The following COMMD10 variants were observed in gnomAD, a reference collection of about 807,000 sequenced individuals.
The protein encoded by COMMD10 is COMM domain-containing protein 10.
In COMMD10, 33 loss-of-function variants were observed where a neutral mutation model predicts 28.9. The ratio of observed to expected loss-of-function variants is 1.14; its 90% CI spans 0.87 to 1.53. The LOEUF (loss-of-function observed/expected upper bound fraction) is 1.53. Ranked by LOEUF, COMMD10 falls within the 40% of genes most tolerant of loss-of-function variation. The probability of loss-of-function intolerance (pLI) is 0.00; values close to 1 mark genes in which losing one functional copy is unlikely to be tolerated. For missense variants in COMMD10, 310 were observed against 233.4 expected (o/e 1.33, Z -2.14); for synonymous variants, 110 against 81.7 (o/e 1.35, Z -1.87).
intron 5 of COMMD10, among the ~76,000 whole-genome samples, chr5:116,185,475 A>G (rs957092610): frequency 6.6e-6 from 1 of 151,016 alleles, no homozygotes. Flanking sequence ...CAAGCAGTCT[A>G]TTTCTTGGCT....
At chr5:116,209,646 A>G (rs1246332374) in intron 5 of COMMD10, among the ~76,000 whole-genome samples, 2 of 152,194 alleles carry the variant, frequency 1.3e-5, no homozygotes, top group African/African-American at 2.4e-5. Flanking sequence ...AAGCCAACGT[A>G]TAAAATTCAA....
intron 5 of COMMD10, among the ~76,000 whole-genome samples, chr5:116,238,092 C>T (rs755655043): frequency 6.6e-6 from 1 of 152,092 alleles, no homozygotes; most frequent in Admixed American, 6.6e-5. Context: ...TAGTAATGCC[C>T]TAGAGTTCCA....
intron 5 of COMMD10, among the ~76,000 whole-genome samples, chr5:116,233,019 C>T (rs577233599): frequency 7.2e-5 from 11 of 152,218 alleles, no homozygotes; most frequent in South Asian, 2.1e-4. Flanking sequence ...ATGTGGAGCA[C>T]GGTAGCATTT....
At chr5:116,203,142 G>A (rs1455288943) in intron 5 of COMMD10, among the ~76,000 whole-genome samples, 1 of 152,020 alleles carries the variant, frequency 6.6e-6, no homozygotes, top group Non-Finnish European at 1.5e-5. Context: ...ATTAAATAGG[G>A]AATCCTTTCC....
chr5:116,144,613 G>C (rs1580485618), intron 5 of COMMD10, among the ~76,000 whole-genome samples: 2 of 151,992 alleles, frequency 1.3e-5, no homozygotes, highest in African/African-American at 2.4e-5. Context: ...AATATTTCAA[G>C]ATGGAGGGCA....
In COMMD10 at chr5:116,104,193, G is replaced by T. The variant is rs1750757629; in HGVS notation, c.399+11493G>T. Among the ~76,000 whole-genome samples the T allele has an allele frequency of 2.0e-5, 3 of 152,186 alleles. No homozygotes were observed. In the South Asian group the frequency reaches 6.2e-4, roughly 32 times the overall value. The stretch of plus-strand genomic sequence containing the variant: ...TTCCAATGCTGTGAGGAAAGTCAAT[G>T]GTAGCTTGATGGGGATAGCATTGAA... On this transcript the variant is annotated intron_variant, in intron 4 of 6. Coordinates refer to ENST00000274458, the MANE Select transcript of COMMD10 (RefSeq NM_016144.4).
chr5:116,087,090 T>C (rs911471830), intron 1 of COMMD10, among the ~76,000 whole-genome samples: 1 of 152,252 alleles, frequency 6.6e-6, no homozygotes, highest in African/African-American at 2.4e-5. Flanking sequence ...TGAAAAGTTA[T>C]TTGCCTTGCA....
intron 4 of COMMD10, among the ~76,000 whole-genome samples, chr5:116,117,986 T>C (rs1369820601): frequency 6.6e-6 from 1 of 152,172 alleles, no homozygotes; most frequent in Admixed American, 6.5e-5. Flanking sequence ...TTGTAGAAGT[T>C]GGAGTTCTTA....
At chr5:116,283,726 A>G (rs543930944) in intron 5 of COMMD10, among the ~76,000 whole-genome samples, 6 of 151,902 alleles carry the variant, frequency 3.9e-5, no homozygotes, top group African/African-American at 1.5e-4. Flanking sequence ...TTACTGCATA[A>G]TGGCAGTATC....
At chr5:116,204,045 G>A (rs989234747) in intron 5 of COMMD10, among the ~76,000 whole-genome samples, 1 of 152,058 alleles carries the variant, frequency 6.6e-6, no homozygotes, top group Admixed American at 6.6e-5. Context: ...GATGGAGGAA[G>A]ATCTCCCAAG....
At chr5:116,258,663 C>G (rs1750356538) in intron 5 of COMMD10, among the ~76,000 whole-genome samples, 1 of 151,706 alleles carries the variant, frequency 6.6e-6, no homozygotes, top group African/African-American at 2.4e-5. Flanking sequence ...AAAAAGATTT[C>G]TGATATCAAT....
rs1751402137 is a variant in COMMD10 at position 116,292,691 on chromosome 5, G to C, written c.*202G>C. 2.4e-6 allele frequency: 1 copy of C among 419,740 alleles called. No homozygotes were observed. Among genetic ancestry groups the C allele is most frequent in the Non-Finnish European group, 4.2e-6 (1 of 236,704 alleles). 26.0% of individuals were successfully genotyped at this position (419,740 alleles called of 1,614,324 possible). A position where few individuals can be genotyped will look rare whatever the true frequency, so the allele number is the denominator to read the frequency against. On this transcript the variant is annotated 3_prime_UTR_variant, in exon 7 of 7. Coordinates refer to ENST00000274458, the MANE Select transcript of COMMD10 (RefSeq NM_016144.4). ...GTTCTAATATACTTTCTTTAGTTCT[G>C]TGAGCCAACAGTAATTATTAAGAAC...
At chr5:116,207,455 C>T (rs896145694) in intron 5 of COMMD10, among the ~76,000 whole-genome samples, 2 of 152,100 alleles carry the variant, frequency 1.3e-5, no homozygotes, top group African/African-American at 2.4e-5. Context: ...TCGATGTTCT[C>T]TTTTATTCAT....
At chr5:116,097,842 T>C (rs1005709960) in intron 4 of COMMD10, among the ~76,000 whole-genome samples, 1 of 151,926 alleles carries the variant, frequency 6.6e-6, no homozygotes, top group East Asian at 1.9e-4. Flanking sequence ...TACATACTTT[T>C]GAACAAGCAG....
intron 4 of COMMD10, among the ~76,000 whole-genome samples, chr5:116,132,648 A>G (rs1222288246): frequency 2.0e-5 from 3 of 152,096 alleles, no homozygotes; most frequent in Admixed American, 6.6e-5. Context: ...GTGCTTTTCA[A>G]TTAAGACGGC....
At chr5:116,222,414 G>T (rs182738859) in intron 5 of COMMD10, among the ~76,000 whole-genome samples, 1 of 152,224 alleles carries the variant, frequency 6.6e-6, no homozygotes, top group African/African-American at 2.4e-5. Context: ...TATAGTTTCT[G>T]TACCCATTAG....
At chr5:116,112,673 C>A (rs905950736) in intron 4 of COMMD10, among the ~76,000 whole-genome samples, 6 of 152,202 alleles carry the variant, frequency 3.9e-5, no homozygotes, top group Non-Finnish European at 8.8e-5. Flanking sequence ...GGATTACAGG[C>A]ATGAGCCACC....
chr5:116,103,829 G>C (rs1171457284), intron 4 of COMMD10, among the ~76,000 whole-genome samples: 1 of 152,122 alleles, frequency 6.6e-6, no homozygotes, highest in African/African-American at 2.4e-5. Flanking sequence ...TTTTGTATAA[G>C]GTGTAAGGAA....
chr5:116,185,244 G>C (rs1488332658), intron 5 of COMMD10, among the ~76,000 whole-genome samples: 3 of 151,658 alleles, frequency 2.0e-5, no homozygotes, highest in African/African-American at 7.3e-5. Context: ...TTTTTTTTCA[G>C]TTTGAACAAA....
Sources: gnomAD v4.1 joint callset for allele counts (sites outside exome capture counted in the v4.1 genomes callset) on GRCh38, gnomAD v4.1.1 for gene constraint, MANE v1.5 for transcripts, NCBI Gene and HGNC (gene_info 2026-07-23, HGNC 2026-07-21) for gene names.